Variants in ZPBP observed in about 807,000 individuals in gnomAD.
ZPBP encodes zona pellucida-binding protein 1.
ZPBP carries 26 observed loss-of-function variants against 44.8 expected under a neutral mutation model. That is an observed-to-expected ratio of 0.58 (90% CI 0.43 to 0.81). The LOEUF (loss-of-function observed/expected upper bound fraction) is 0.81, where lower values mean the gene tolerates loss of function less well. ZPBP is among the 30% of genes least tolerant of loss of function. The probability of loss-of-function intolerance (pLI) is 0.00; values close to 1 mark genes in which losing one functional copy is unlikely to be tolerated. For synonymous variants in ZPBP, 174 were observed against 153.2 expected (o/e 1.14, Z -1.00); for missense variants, 409 against 434.0 (o/e 0.94, Z 0.51).
chr7:49,963,715 AC>A (rs1429602437), intron 7 of ZPBP, among the ~76,000 whole-genome samples: 1 of 151,896 alleles, frequency 6.6e-6, no homozygotes, highest in African/African-American at 2.4e-5. Context: ...TAAACACATT[AC>A]ATTTAAATAA....
rs536578406 is a variant in ZPBP, at chr7:50,023,369, T to G, written c.707-5053A>C. Among the ~76,000 whole-genome samples the G allele has an allele frequency of 1.2e-4, 18 of 152,124 alleles. 1 individual carries two copies. In the South Asian group the frequency reaches 3.7e-3, roughly 32 times the overall value. ...TCCGTATAATGCCATGGTGTTATTA[T>G]GGAAAGCATTTCAAGTCTTATTCAA... On this transcript the variant is annotated intron_variant, in intron 5 of 7. Transcript: ENST00000046087.
intron 1 of ZPBP, among the ~76,000 whole-genome samples, chr7:49,910,447 A>G (rs1793347481): frequency 6.6e-6 from 1 of 152,198 alleles, no homozygotes; most frequent in Non-Finnish European, 1.5e-5. Context: ...GGAGAATGAG[A>G]ATTTTGCAAA....
chr7:49,981,418 T>C (rs1329175053), intron 7 of ZPBP, among the ~76,000 whole-genome samples: 3 of 44,070 alleles, frequency 6.8e-5, no homozygotes, highest in East Asian at 5.7e-4. Context: ...ATATATAATA[T>C]ATAATATAAA....
At chr7:49,849,915 CA>C (rs1414395876), downstream of ZPBP, among the ~76,000 whole-genome samples, 2 of 152,044 alleles carry the variant, frequency 1.3e-5, no homozygotes, top group Non-Finnish European at 2.9e-5. Flanking sequence ...AGCACAGGTA[CA>C]AAAAAATTCA....
At chr7:49,992,872 C>CAAAT (rs894676109) in intron 6 of ZPBP, among the ~76,000 whole-genome samples, 2 of 151,828 alleles carry the variant, frequency 1.3e-5, no homozygotes, top group African/African-American at 2.4e-5. Flanking sequence ...CGAAGAAAAG[C>CAAAT]AAATAAATAA....
chr7:49,990,198 A>G (rs1797500978), intron 6 of ZPBP, among the ~76,000 whole-genome samples: 1 of 152,210 alleles, frequency 6.6e-6, no homozygotes, highest in African/African-American at 2.4e-5. Context: ...CTCCTGTTTC[A>G]TGGATAAATG....
intron 2 of ZPBP, among the ~76,000 whole-genome samples, chr7:49,887,872 A>C (rs997461369): frequency 4.6e-5 from 7 of 152,222 alleles, no homozygotes; most frequent in African/African-American, 1.7e-4. Flanking sequence ...CTTAACCACC[A>C]GACTAGCTGC....
At chr7:49,994,657 T>C (rs528837436) in intron 6 of ZPBP, among the ~76,000 whole-genome samples, 14 of 152,334 alleles carry the variant, frequency 9.2e-5, no homozygotes, top group Non-Finnish European at 1.8e-4. Context: ...TACTGGCAGA[T>C]GTCAGGGCCT....
intron 3 of ZPBP, among the ~76,000 whole-genome samples, chr7:50,072,429 G>C (rs1174225889): frequency 6.6e-6 from 1 of 152,258 alleles, no homozygotes; most frequent in Admixed American, 6.5e-5. Flanking sequence ...GGGGGACCTT[G>C]CAGCACTGAA....
At chr7:50,002,266 G>T (rs140729131) in intron 6 of ZPBP, among the ~76,000 whole-genome samples, 1 of 152,090 alleles carries the variant, frequency 6.6e-6, no homozygotes, top group African/African-American at 2.4e-5. Context: ...CAAATCTCAT[G>T]AGGCTTATTC....
chr7:49,941,757 T>C (rs895527111), intron 7 of ZPBP, among the ~76,000 whole-genome samples: 13 of 152,116 alleles, frequency 8.5e-5, no homozygotes, highest in Non-Finnish European at 1.3e-4. Context: ...CAATAACATT[T>C]TTTTTTGTGA....
rs1246667249 is a variant in ZPBP, at chr7:49,898,050, AG to A, written n.509+3067del. On this transcript the variant is annotated intron_variant and non_coding_transcript_variant, in intron 2 of 2. Transcript: ENST00000465922. The stretch of plus-strand genomic sequence containing the variant: ...CAGAGCCTAACTGATCTGGGTGAAG[AG>A]AAATACTCAACTTTAGCCCACTATA... 6.0e-3 allele frequency among the ~76,000 whole-genome samples: 908 copies of A among 152,318 alleles called. 7 individuals carry two copies. The highest frequency in any genetic ancestry group is 0.02 in the African/African-American group (852 of 41,576).
At chr7:49,885,886 A>G (rs629285) in intron 2 of ZPBP, among the ~76,000 whole-genome samples, 122,484 of 152,258 alleles carry the variant, frequency 0.8, 49,423 homozygotes, top group East Asian at 0.91. Context: ...GGCCCTTGGC[A>G]TGGCAGAGGA....
At chr7:50,068,785 A>G (rs530183891) in intron 3 of ZPBP, among the ~76,000 whole-genome samples, 169 of 152,258 alleles carry the variant, frequency 1.1e-3, no homozygotes, top group Non-Finnish European at 2.1e-3. Flanking sequence ...CCTTACAAAC[A>G]CCATATTCAC....
intron 2 of ZPBP, among the ~76,000 whole-genome samples, chr7:49,872,924 A>AAAAAAC: frequency 6.7e-6 from 1 of 149,034 alleles, no homozygotes; most frequent in Non-Finnish European, 1.5e-5. Flanking sequence ...TCAAAAAAAA[A>AAAAAAC]AAAAAAAAAA....
chr7:49,844,562 CA>C, the ZPBP span, among the ~76,000 whole-genome samples: 1 of 152,182 alleles, frequency 6.6e-6, no homozygotes, highest in Non-Finnish European at 1.5e-5. Context: ...TTGTAGCAAA[CA>C]GAAGCCCTAG....
rs1562625076 is a variant in ZPBP, at chr7:50,093,117, G to T, written c.78C>A (p.Ala26=). Residue 26 remains alanine (A), a synonymous_variant, in exon 1 of 8, where the codon GCC becomes GCA. Transcript: ENST00000046087. The part of the protein sequence containing the change: ...TRAAGSLLSR[A]AILLFISAFL... ...AGGCGGAGATAAAGAGGAGGATGGC[G>T]GCCCGAGAGAGCAGGGAGCCGGCGG... The T allele has an allele frequency of 1.3e-6, 2 of 1,585,826 alleles. No homozygotes were observed. Among genetic ancestry groups the T allele is most frequent in the Non-Finnish European group, 1.7e-6 (2 of 1,166,770 alleles).
At chr7:49,857,699 G>A (rs1276133229) in intron 2 of ZPBP, among the ~76,000 whole-genome samples, 1 of 151,968 alleles carries the variant, frequency 6.6e-6, no homozygotes, top group Non-Finnish European at 1.5e-5. Flanking sequence ...ACTCTTGGTG[G>A]GAATGCAAAA....
At chr7:50,092,361 C>T (rs1042086780) in intron 1 of ZPBP, among the ~76,000 whole-genome samples, 1 of 152,190 alleles carries the variant, frequency 6.6e-6, no homozygotes, top group Non-Finnish European at 1.5e-5. Context: ...CCTACCTCCA[C>T]AAACCTTTTA....
Sources: gnomAD v4.1 joint callset for allele counts (sites outside exome capture counted in the v4.1 genomes callset) on GRCh38, gnomAD v4.1.1 for gene constraint, MANE v1.5 for transcripts, NCBI Gene and HGNC (gene_info 2026-07-23, HGNC 2026-07-21) for gene names.